Variants in CADM2 observed in about 807,000 individuals in gnomAD.
CADM2 encodes the protein immunoglobulin superfamily member 4D.
In CADM2, 12 loss-of-function variants were observed where a neutral mutation model predicts 49.8. The ratio of observed to expected loss-of-function variants is 0.24; its 90% CI spans 0.15 to 0.39. The LOEUF (loss-of-function observed/expected upper bound fraction) is 0.39. Ranked by LOEUF, CADM2 falls within the 10% of genes least tolerant of loss-of-function variation. The pLI is 1.00. For synonymous variants in CADM2, 214 were observed against 175.4 expected (o/e 1.22, Z -1.74); for missense variants, 378 against 492.3 (o/e 0.77, Z 2.20).
intron 1 of CADM2, among the ~76,000 whole-genome samples, chr3:85,544,087 AAC>A (rs1194860919): frequency 6.6e-6 from 1 of 152,212 alleles, no homozygotes; most frequent in Non-Finnish European, 1.5e-5. Flanking sequence ...TTAATAATAA[AAC>A]ACAATTTTTA....
At chr3:85,716,678 G>A (rs960873432) in intron 1 of CADM2, among the ~76,000 whole-genome samples, 2 of 152,094 alleles carry the variant, frequency 1.3e-5, no homozygotes, top group Non-Finnish European at 2.9e-5. Flanking sequence ...TTTTGTTAAG[G>A]TGTAAGGAAG....
intron 1 of CADM2, among the ~76,000 whole-genome samples, chr3:85,087,339 A>G (rs951455529): frequency 6.6e-6 from 1 of 152,154 alleles, no homozygotes; most frequent in African/African-American, 2.4e-5. Flanking sequence ...TTTCATCTGG[A>G]TATATTTGGC....
chr3:85,068,434 A>C (rs1440510027), intron 1 of CADM2, among the ~76,000 whole-genome samples: 2 of 152,142 alleles, frequency 1.3e-5, no homozygotes, highest in Non-Finnish European at 2.9e-5. Flanking sequence ...TGGTTGGGAG[A>C]GCTCCATATG....
chr3:85,972,548 C>T (rs1361676241), intron 8 of CADM2, among the ~76,000 whole-genome samples: 1 of 151,718 alleles, frequency 6.6e-6, no homozygotes, highest in East Asian at 1.9e-4. Context: ...GAACACTAGT[C>T]CTTGGAGAGA....
At chr3:85,685,647 G>A (rs1445207962) in intron 1 of CADM2, among the ~76,000 whole-genome samples, 1 of 134,836 alleles carries the variant, frequency 7.4e-6, no homozygotes, top group African/African-American at 2.8e-5. Flanking sequence ...TTTTTAAGAC[G>A]GAGTCTCCCT....
chr3:85,367,812 C>CAT (rs35671730), intron 1 of CADM2, among the ~76,000 whole-genome samples: 6,645 of 119,874 alleles, frequency 0.055, 459 homozygotes, highest in African/African-American at 0.16. Flanking sequence ...GTTTCTAGTA[C>CAT]ATATATATAT....
At chr3:85,476,269 G>A (rs896925990) in intron 1 of CADM2, among the ~76,000 whole-genome samples, 1 of 151,850 alleles carries the variant, frequency 6.6e-6, no homozygotes. Flanking sequence ...ATAAATTGGG[G>A]AAGAGACATG....
At chr3:85,059,063 C>G (rs2036200590) in intron 1 of CADM2, among the ~76,000 whole-genome samples, 1 of 151,794 alleles carries the variant, frequency 6.6e-6, no homozygotes, top group Non-Finnish European at 1.5e-5. Flanking sequence ...CCCAGTGAAA[C>G]CCTGTCTCCA....
intron 1 of CADM2, among the ~76,000 whole-genome samples, chr3:85,501,113 C>T (rs2040099480): frequency 6.6e-6 from 1 of 152,154 alleles, no homozygotes; most frequent in Admixed American, 6.5e-5. Flanking sequence ...CTGAAGTACT[C>T]ATATAATGAT....
At chr3:85,206,371 A>G (rs1244036362) in intron 1 of CADM2, among the ~76,000 whole-genome samples, 3 of 146,788 alleles carry the variant, frequency 2.0e-5, no homozygotes, top group Admixed American at 6.9e-5. Flanking sequence ...GCAGTGGCGC[A>G]ATCTCGACTC....
At chr3:85,688,147 C>T (rs1157625844) in intron 1 of CADM2, among the ~76,000 whole-genome samples, 2 of 152,118 alleles carry the variant, frequency 1.3e-5, no homozygotes, top group Non-Finnish European at 2.9e-5. Flanking sequence ...GTCTAGAGTT[C>T]CTTCCTCAGC....
At chr3:85,083,515 T>C (rs149318923) in intron 1 of CADM2, among the ~76,000 whole-genome samples, 2 of 152,104 alleles carry the variant, frequency 1.3e-5, no homozygotes, top group African/African-American at 4.8e-5. Flanking sequence ...TATAAAGAGA[T>C]CACAGCCTTA....
At chr3:86,041,357 C>A (rs892414098) in intron 8 of CADM2, among the ~76,000 whole-genome samples, 3 of 152,062 alleles carry the variant, frequency 2.0e-5, no homozygotes, top group African/African-American at 4.8e-5. Context: ...CAGAGACACA[C>A]ATAGGCTCAA....
chr3:85,742,841 C>T (rs1349880651), intron 2 of CADM2, among the ~76,000 whole-genome samples: 5 of 152,156 alleles, frequency 3.3e-5, no homozygotes, highest in East Asian at 1.9e-4. Context: ...GAGCACTTCT[C>T]GAATTCCTAT....
At chr3:85,487,210 T>C (rs560378613) in intron 1 of CADM2, among the ~76,000 whole-genome samples, 15 of 152,188 alleles carry the variant, frequency 9.9e-5, no homozygotes, top group Non-Finnish European at 1.8e-4. Flanking sequence ...AACAAGTCTT[T>C]TTCCCCTTCT....
intron 1 of CADM2, among the ~76,000 whole-genome samples, chr3:85,236,140 C>G (rs1017880854): frequency 6.6e-6 from 1 of 151,998 alleles, no homozygotes; most frequent in African/African-American, 2.4e-5. Flanking sequence ...CACGGTTGCC[C>G]CAGCAAAACA....
At chr3:85,326,898 A>T (rs140938647) in intron 1 of CADM2, among the ~76,000 whole-genome samples, 2 of 152,314 alleles carry the variant, frequency 1.3e-5, no homozygotes, top group South Asian at 2.1e-4. Flanking sequence ...AGAAAGTAAA[A>T]GTATAGAATA....
chr3:85,455,158 T>A (rs980232122), intron 1 of CADM2, among the ~76,000 whole-genome samples: 8 of 152,178 alleles, frequency 5.3e-5, no homozygotes, highest in African/African-American at 1.7e-4. Context: ...ATAATCTACC[T>A]CATTAAATTA....
chr3:86,012,398 A>C (rs1731619181), intron 8 of CADM2, among the ~76,000 whole-genome samples: 2 of 152,186 alleles, frequency 1.3e-5, no homozygotes, highest in Admixed American at 1.3e-4. Context: ...GTCACACACA[A>C]TAAATTACAA....
Sources: gnomAD v4.1 joint callset for allele counts (sites outside exome capture counted in the v4.1 genomes callset) on GRCh38, gnomAD v4.1.1 for gene constraint, MANE v1.5 for transcripts, NCBI Gene and HGNC (gene_info 2026-07-23, HGNC 2026-07-21) for gene names.